FAM174A: variants seen among roughly 807,000 people sequenced by gnomAD.
FAM174A encodes membrane protein FAM174A.
In FAM174A, 14 loss-of-function variants were observed where a neutral mutation model predicts 14.3. The observed-to-expected ratio is 0.98, with a 90% CI of 0.65 to 1.53. The LOEUF (loss-of-function observed/expected upper bound fraction) is 1.53, where lower values mean the gene tolerates loss of function less well. Ranked by LOEUF, FAM174A falls within the 40% of genes most tolerant of loss-of-function variation. The pLI is 0.00. For missense variants in FAM174A, 241 were observed against 249.6 expected, an observed-to-expected ratio of 0.97 and a Z score of 0.23; for synonymous variants, 108 against 111.4, an observed-to-expected ratio of 0.97 and a Z score of 0.19.
chr5:100,553,308 G>C (rs945950114), intron 1 of FAM174A, among the ~76,000 whole-genome samples: 1 of 151,974 alleles, frequency 6.6e-6, no homozygotes, highest in African/African-American at 2.4e-5. Flanking sequence ...CTTAATGTTT[G>C]TTAGTATTTT....
chr5:100,581,419 A>C, intron 2 of FAM174A: 1 of 980,282 alleles, frequency 1.0e-6, no homozygotes, highest in Non-Finnish European at 1.2e-6. Context: ...GTGGCAATTG[A>C]GTTAAAGTTA....
At chr5:100,575,402 TC>T (rs983464632) in intron 2 of FAM174A, among the ~76,000 whole-genome samples, 2 of 151,980 alleles carry the variant, frequency 1.3e-5, no homozygotes, top group East Asian at 1.9e-4. Flanking sequence ...CCCTCGTCTC[TC>T]CCCCCACCGC....
At position 100,554,153 on chromosome 5, in the gene FAM174A, G is replaced by T. The variant is rs536567142; in HGVS notation, c.435-7901G>T. Among the ~76,000 whole-genome samples the T allele has an allele frequency of 5.9e-5, 9 of 152,150 alleles. No individual in the cohort carries two copies. In the East Asian group the frequency reaches 1.2e-3, roughly 20 times the overall value. ...AGCAAAAGACTGACAAAAGGAAAGA[G>T]AAATTATAACTTTCAATATCCTTAA... On this transcript the variant is annotated intron_variant, in intron 1 of 2. Coordinates refer to ENST00000312637, the MANE Select transcript of FAM174A (RefSeq NM_198507.3).
At chr5:100,557,399 T>C (rs998491163) in intron 1 of FAM174A, among the ~76,000 whole-genome samples, 2 of 152,160 alleles carry the variant, frequency 1.3e-5, no homozygotes, top group Non-Finnish European at 2.9e-5. Context: ...AAAATTCTCT[T>C]TTTTTGTTGT....
At chr5:100,559,243 T>C (rs1746471911) in intron 1 of FAM174A, among the ~76,000 whole-genome samples, 1 of 152,222 alleles carries the variant, frequency 6.6e-6, no homozygotes, top group Non-Finnish European at 1.5e-5. Context: ...AATTCTTTTC[T>C]TTAAGAATGT....
chr5:100,560,305 CA>C (rs1302555133), intron 1 of FAM174A, among the ~76,000 whole-genome samples: 2 of 152,098 alleles, frequency 1.3e-5, no homozygotes, highest in African/African-American at 4.8e-5. Context: ...CATACACACA[CA>C]TATACATGTT....
intron 2 of FAM174A, among the ~76,000 whole-genome samples, chr5:100,584,006 GT>G (rs1473310909): frequency 6.6e-6 from 1 of 152,170 alleles, no homozygotes; most frequent in Non-Finnish European, 1.5e-5. Context: ...AATTCCTGGG[GT>G]TCTTTGTGGC....
At chr5:100,581,742 A>G (rs1747021583) in intron 2 of FAM174A, among the ~76,000 whole-genome samples, 1 of 152,206 alleles carries the variant, frequency 6.6e-6, no homozygotes, top group Non-Finnish European at 1.5e-5. Context: ...CCTGAACAGC[A>G]TGAAAACATC....
intron 1 of FAM174A, among the ~76,000 whole-genome samples, chr5:100,547,222 CCATT>C (rs1176970383): frequency 3.3e-5 from 5 of 151,918 alleles, no homozygotes; most frequent in African/African-American, 1.2e-4. Flanking sequence ...CCATTTCTGT[CCATT>C]CATAAAAAAA....
chr5:100,586,055 T>G (rs1292891847), intron 2 of FAM174A, 126 bp from the exon 3 acceptor site: 1 of 426,480 alleles, frequency 2.3e-6, no homozygotes, highest in African/African-American at 2.1e-5. Context: ...TTCTTTTTAA[T>G]AATTTTTAAG....
In FAM174A at chr5:100,583,441, A is replaced by G. The variant is rs573653796; in HGVS notation, c.570-2740A>G. On this transcript the variant is annotated intron_variant, in intron 2 of 2. Coordinates refer to ENST00000312637, the MANE Select transcript of FAM174A (RefSeq NM_198507.3). ...AAGAAGTTGAAAGCAGTCTTGAATAATTGGAATTCTTCTGCCACATTGACT... is the reference window on the plus strand; with the variant it reads ...AAGAAGTTGAAAGCAGTCTTGAATAGTTGGAATTCTTCTGCCACATTGACT... Among the ~76,000 whole-genome samples, 6 of 152,336 alleles carry G rather than the reference A, an allele frequency of 3.9e-5. No homozygotes were observed. The South Asian group carries it at 1.2e-3, about 32-fold the overall frequency.
intron 2 of FAM174A, among the ~76,000 whole-genome samples, chr5:100,585,132 C>G (rs556880970): frequency 6.6e-6 from 1 of 152,096 alleles, no homozygotes; most frequent in African/African-American, 2.4e-5. Context: ...CGCTTGAGCT[C>G]ACCATAATAA....
intron 1 of FAM174A, among the ~76,000 whole-genome samples, chr5:100,543,878 A>C (rs1250239304): frequency 3.3e-5 from 5 of 152,154 alleles, no homozygotes; most frequent in African/African-American, 1.2e-4. Flanking sequence ...GAAATGGAAC[A>C]TGTACTCTAC....
At chr5:100,542,846 ATGTG>A (rs147251634) in intron 1 of FAM174A, among the ~76,000 whole-genome samples, 23 of 150,418 alleles carry the variant, frequency 1.5e-4, no homozygotes, top group South Asian at 4.2e-4. Context: ...ATATATATAT[ATGTG>A]TGTGTGTGTG....
intron 2 of FAM174A, among the ~76,000 whole-genome samples, chr5:100,583,474 A>G (rs1257017829): frequency 1.3e-5 from 2 of 152,124 alleles, no homozygotes; most frequent in African/African-American, 2.4e-5. Flanking sequence ...ACTACTGCCA[A>G]TTTGTTTTCT....
intron 1 of FAM174A, among the ~76,000 whole-genome samples, chr5:100,538,447 T>A (rs1019941413): frequency 3.9e-5 from 6 of 152,138 alleles, no homozygotes; most frequent in African/African-American, 1.4e-4. Flanking sequence ...AATAATAACT[T>A]CCTTTTTGAG....
At position 100,556,493 on chromosome 5, in the gene FAM174A, C is replaced by T. The variant is rs182310082; in HGVS notation, c.435-5561C>T. 8.2e-3 allele frequency among the ~76,000 whole-genome samples: 1,241 copies of T among 152,202 alleles called. 13 individuals are homozygous for T. Among genetic ancestry groups the T allele is most frequent in the African/African-American group, 0.028 (1,181 of 41,530 alleles). On this transcript the variant is annotated intron_variant, in intron 1 of 2. Coordinates refer to ENST00000312637, the MANE Select transcript of FAM174A (RefSeq NM_198507.3). ...GTTCTATGAAGAAAGTCATTGGTAG[C>T]TTGATGGGGATGGCATTGAATCTAT... is the stretch of plus-strand genomic sequence containing the variant.
intron 1 of FAM174A, among the ~76,000 whole-genome samples, chr5:100,560,904 T>C (rs530149732): frequency 1.6e-4 from 24 of 152,132 alleles, no homozygotes; most frequent in African/African-American, 5.5e-4. Flanking sequence ...GACTTAGGCA[T>C]TCCTTGCAGG....
chr5:100,540,660 A>G (rs1459326816), intron 1 of FAM174A, among the ~76,000 whole-genome samples: 1 of 152,142 alleles, frequency 6.6e-6, no homozygotes, highest in Admixed American at 6.6e-5. Flanking sequence ...TTAGTTTGCT[A>G]TGTGGTCAAG....
Sources: gnomAD v4.1 joint callset for allele counts (sites outside exome capture counted in the v4.1 genomes callset) on GRCh38, gnomAD v4.1.1 for gene constraint, MANE v1.5 for transcripts, NCBI Gene and HGNC (gene_info 2026-07-23, HGNC 2026-07-21) for gene names.